The following SBF2 variants were observed in gnomAD, a reference collection of about 807,000 sequenced individuals.
SBF2 encodes the protein myotubularin-related protein 13.
SBF2 carries 112 observed loss-of-function variants against 225.2 expected under a neutral mutation model. The ratio of observed to expected loss-of-function variants is 0.50; its 90% CI spans 0.43 to 0.58. SBF2 has a LOEUF of 0.58. SBF2 is among the 20% of genes least tolerant of loss of function. SBF2 has a pLI of 0.00. For missense variants in SBF2, 1,996 were observed against 2,206.2 expected, an observed-to-expected ratio of 0.90 and a Z score of 1.91; for synonymous variants, 763 against 773.3, an observed-to-expected ratio of 0.99 and a Z score of 0.22.
chr11:10,200,230 C>T (rs1192752916), intron 1 of SBF2, among the ~76,000 whole-genome samples: 2 of 152,052 alleles, frequency 1.3e-5, no homozygotes, highest in African/African-American at 4.8e-5. Context: ...TCATTTTCCC[C>T]CATATAAAAA....
At chr11:10,041,886 C>A (rs1949669618) in intron 3 of SBF2, among the ~76,000 whole-genome samples, 2 of 150,416 alleles carry the variant, frequency 1.3e-5, no homozygotes, top group South Asian at 4.2e-4. Context: ...TGGTTTCCTT[C>A]TTGTATTATA....
chr11:9,828,408 G>GATT (rs1467032726), intron 28 of SBF2: 1 of 985,296 alleles, frequency 1.0e-6, no homozygotes, highest in Non-Finnish European at 1.2e-6. Flanking sequence ...ACATTTGCAA[G>GATT]ATTATAGAGA....
At chr11:9,800,017 C>T (rs1228549899) in intron 32 of SBF2, among the ~76,000 whole-genome samples, 1 of 152,136 alleles carries the variant, frequency 6.6e-6, no homozygotes, top group Admixed American at 6.6e-5. Context: ...ATGGGTGGAT[C>T]ACTTGAGGTC....
intron 32 of SBF2, among the ~76,000 whole-genome samples, chr11:9,801,584 G>A (rs997595747): frequency 6.6e-6 from 1 of 152,188 alleles, no homozygotes; most frequent in South Asian, 2.1e-4. Context: ...CCCTAGGAGA[G>A]TGTATAGCTA....
At chr11:9,813,414 G>C (rs990336209) in intron 29 of SBF2, among the ~76,000 whole-genome samples, 7 of 152,006 alleles carry the variant, frequency 4.6e-5, no homozygotes, top group African/African-American at 1.7e-4. Context: ...TGCAACCTCC[G>C]CTTCCCAGGT....
chr11:9,839,238 G>A (rs1855936636), intron 26 of SBF2: 7 of 472,956 alleles, frequency 1.5e-5, no homozygotes, highest in South Asian at 1.1e-4. Flanking sequence ...TAGAAAAGAA[G>A]CAAACTGGGA....
At position 10,277,533 on chromosome 11, in the gene SBF2, T is replaced by C. The variant is rs534218206; in HGVS notation, c.55+16482A>G. On this transcript the variant is annotated intron_variant, in intron 1 of 39. Coordinates refer to ENST00000256190, the MANE Select transcript of SBF2 (RefSeq NM_030962.4). Reference sequence around the variant, plus strand: ...TATAATAACTGCATGAACCATTGTGTTTGTGGTGAGTTGAATAGCGTTGTC... The same window carrying C: ...TATAATAACTGCATGAACCATTGTGCTTGTGGTGAGTTGAATAGCGTTGTC... 3.9e-5 allele frequency among the ~76,000 whole-genome samples: 6 copies of C among 152,314 alleles called. No homozygotes were observed. The South Asian group carries it at 1.0e-3, about 26-fold the overall frequency.
chr11:10,161,017 T>A (rs1955703727), intron 2 of SBF2, among the ~76,000 whole-genome samples: 2 of 151,862 alleles, frequency 1.3e-5, no homozygotes, highest in African/African-American at 4.8e-5. Context: ...TGAAACCCCA[T>A]CTCTACTAAA....
intron 2 of SBF2, among the ~76,000 whole-genome samples, chr11:10,163,641 A>G (rs533457037): frequency 2.0e-5 from 3 of 152,336 alleles, no homozygotes; most frequent in Admixed American, 6.5e-5. Flanking sequence ...AAAGTAAACT[A>G]AAAGAAATCA....
At chr11:9,982,675 C>T (rs1947009698) in intron 13 of SBF2, among the ~76,000 whole-genome samples, 1 of 152,104 alleles carries the variant, frequency 6.6e-6, no homozygotes, top group African/African-American at 2.4e-5. Context: ...AAGAACAAAC[C>T]AGCAATCTGG....
At chr11:10,112,472 A>G (rs975221284) in intron 2 of SBF2, among the ~76,000 whole-genome samples, 3 of 152,204 alleles carry the variant, frequency 2.0e-5, no homozygotes, top group Admixed American at 6.5e-5. Context: ...GCCTTCCGCC[A>G]TGATTGTGAG....
intron 2 of SBF2, among the ~76,000 whole-genome samples, chr11:10,183,943 T>C (rs545601813): frequency 3.3e-5 from 5 of 152,306 alleles, no homozygotes; most frequent in Admixed American, 2.6e-4. Flanking sequence ...AAGGTGAATA[T>C]GGTTAACAAT....
intron 2 of SBF2, among the ~76,000 whole-genome samples, chr11:10,183,799 G>A (rs7111544): frequency 0.1 from 15,669 of 152,186 alleles, 958 homozygotes; most frequent in Non-Finnish European, 0.11. Flanking sequence ...TGAGCTCATA[G>A]AAGCAGAGAG....
intron 2 of SBF2, among the ~76,000 whole-genome samples, chr11:10,054,866 G>A (rs1950194811): frequency 6.6e-6 from 1 of 151,080 alleles, no homozygotes; most frequent in African/African-American, 2.4e-5. Context: ...ACCACCATGA[G>A]AATGCCCATT....
chr11:10,046,882 A>AG (rs1309456501), intron 2 of SBF2, among the ~76,000 whole-genome samples: 2 of 150,546 alleles, frequency 1.3e-5, no homozygotes, highest in African/African-American at 4.9e-5. Flanking sequence ...GAAAGGACAA[A>AG]AAAAAAAAAA....
chr11:10,231,722 G>A (rs1224271033), intron 1 of SBF2, among the ~76,000 whole-genome samples: 1 of 152,168 alleles, frequency 6.6e-6, no homozygotes, highest in Non-Finnish European at 1.5e-5. Context: ...ACCCCTACTG[G>A]GGGGTGCCTC....
intron 25 of SBF2, among the ~76,000 whole-genome samples, chr11:9,841,274 T>C (rs892069762): frequency 6.6e-6 from 1 of 152,162 alleles, no homozygotes; most frequent in Non-Finnish European, 1.5e-5. Flanking sequence ...TTTGGTCTTT[T>C]AGTAGAATAA....
At chr11:10,244,267 C>T (rs1959538847) in intron 1 of SBF2, among the ~76,000 whole-genome samples, 1 of 152,140 alleles carries the variant, frequency 6.6e-6, no homozygotes, top group Non-Finnish European at 1.5e-5. Context: ...TCAGGTCTTA[C>T]ATTTAAGTCT....
intron 1 of SBF2, among the ~76,000 whole-genome samples, chr11:10,258,438 G>A (rs1475831004): frequency 6.6e-6 from 1 of 152,116 alleles, no homozygotes; most frequent in African/African-American, 2.4e-5. Context: ...ATATTAAGCA[G>A]AGTTTCTCAT....
Sources: allele counts gnomAD v4.1 joint callset (sites outside exome capture counted in the v4.1 genomes callset), GRCh38; gene constraint gnomAD v4.1.1; transcripts MANE v1.5; gene names NCBI Gene and HGNC (gene_info 2026-07-23, HGNC 2026-07-21).